FGF14: variants seen among roughly 807,000 people sequenced by gnomAD.
FGF14 encodes fibroblast growth factor 14, also known as fibroblast growth factor homologous factor 4.
Under a neutral mutation model 25.5 loss-of-function variants are expected in FGF14, and 5 were observed. The observed-to-expected ratio is 0.20, with a 90% CI of 0.10 to 0.41. The LOEUF (loss-of-function observed/expected upper bound fraction) is 0.41, where lower values mean the gene tolerates loss of function less well. Ranked by LOEUF, FGF14 falls within the 10% of genes least tolerant of loss-of-function variation. FGF14 has a pLI of 1.00. For missense variants in FGF14, 222 were observed against 320.1 expected (o/e 0.69, Z 2.34); for synonymous variants, 138 against 118.3 (o/e 1.17, Z -1.08).
chr13:102,136,771 T>C (rs1264873466), intron 1 of FGF14, among the ~76,000 whole-genome samples: 4 of 152,156 alleles, frequency 2.6e-5, no homozygotes, highest in Non-Finnish European at 5.9e-5. Context: ...CTGTGTTCAG[T>C]TAGCAAAATA....
At chr13:102,270,898 T>C (rs972064392) in intron 1 of FGF14, among the ~76,000 whole-genome samples, 1 of 152,186 alleles carries the variant, frequency 6.6e-6, no homozygotes. Context: ...TCAGATAAAT[T>C]TGATTTAATG....
intron 1 of FGF14, among the ~76,000 whole-genome samples, chr13:101,878,250 C>A (rs2045507522): frequency 6.6e-6 from 1 of 152,156 alleles, no homozygotes; most frequent in Non-Finnish European, 1.5e-5. Flanking sequence ...CATTAAAATG[C>A]CCCTTTGCAC....
At chr13:101,757,075 CT>C (rs1316387287) in intron 3 of FGF14, among the ~76,000 whole-genome samples, 3 of 152,118 alleles carry the variant, frequency 2.0e-5, no homozygotes, top group Non-Finnish European at 4.4e-5. Flanking sequence ...AAATGTTTTA[CT>C]TTCTAAATCT....
intron 3 of FGF14, among the ~76,000 whole-genome samples, chr13:101,731,226 C>T (rs1328388337): frequency 6.6e-6 from 1 of 152,120 alleles, no homozygotes; most frequent in Non-Finnish European, 1.5e-5. Context: ...GAAACACTCT[C>T]TAAAACTGGC....
chr13:102,273,239 C>A (rs1202706056), intron 1 of FGF14, among the ~76,000 whole-genome samples: 1 of 152,134 alleles, frequency 6.6e-6, no homozygotes, highest in East Asian at 1.9e-4. Flanking sequence ...ATAGACCTAA[C>A]CTAGTTAATA....
intron 1 of FGF14, among the ~76,000 whole-genome samples, chr13:102,064,866 G>A (rs963242614): frequency 1.3e-5 from 2 of 152,000 alleles, no homozygotes; most frequent in Admixed American, 1.3e-4. Flanking sequence ...ATGCCATTTT[G>A]TATGAGGGAC....
At chr13:102,120,677 G>A (rs1566711569) in intron 1 of FGF14, among the ~76,000 whole-genome samples, 2 of 151,048 alleles carry the variant, frequency 1.3e-5, no homozygotes, top group African/African-American at 4.9e-5. Context: ...GCATAGCCTT[G>A]CGGCTCATCT....
chr13:101,773,538 TAGAG>T (rs1594198418), intron 3 of FGF14, among the ~76,000 whole-genome samples: 1 of 151,944 alleles, frequency 6.6e-6, no homozygotes. Context: ...GTTGGCAACT[TAGAG>T]AGGTAGAAAG....
At chr13:101,820,679 C>T (rs1432327623) in intron 3 of FGF14, among the ~76,000 whole-genome samples, 1 of 151,872 alleles carries the variant, frequency 6.6e-6, no homozygotes, top group African/African-American at 2.4e-5. Flanking sequence ...TATGATTATA[C>T]CCCCTTTTTT....
intron 1 of FGF14, among the ~76,000 whole-genome samples, chr13:102,053,273 C>T (rs61966529): frequency 0.053 from 8,002 of 152,002 alleles, 237 homozygotes; most frequent in Middle Eastern, 0.071. Context: ...ATAAGGAAAA[C>T]GAAACAGAAC....
chr13:102,117,690 G>T (rs1276427742), intron 1 of FGF14, among the ~76,000 whole-genome samples: 1 of 152,156 alleles, frequency 6.6e-6, no homozygotes, highest in Non-Finnish European at 1.5e-5. Context: ...AACAAAGAGA[G>T]CGGTGTTGGA....
intron 1 of FGF14, among the ~76,000 whole-genome samples, chr13:102,100,222 C>T (rs1013307377): frequency 5.3e-5 from 8 of 151,978 alleles, no homozygotes; most frequent in Admixed American, 5.2e-4. Flanking sequence ...ATATATATTC[C>T]AAGAGTCAAA....
chr13:101,892,623 A>G (rs951921912), intron 1 of FGF14, among the ~76,000 whole-genome samples: 2 of 152,174 alleles, frequency 1.3e-5, no homozygotes, highest in Non-Finnish European at 2.9e-5. Flanking sequence ...TTTGTCCCAT[A>G]TTCATCCTAA....
chr13:102,096,026 CTT>C (rs1185590858), intron 1 of FGF14, among the ~76,000 whole-genome samples: 2 of 145,746 alleles, frequency 1.4e-5, no homozygotes, highest in African/African-American at 5.0e-5. Flanking sequence ...TAATATATTT[CTT>C]TATTTGACAT....
intron 1 of FGF14, among the ~76,000 whole-genome samples, chr13:102,393,061 C>G (rs974948843): frequency 6.6e-6 from 1 of 152,198 alleles, no homozygotes; most frequent in African/African-American, 2.4e-5. Context: ...GCCCCCAAAG[C>G]TTAAAGTATG....
chr13:102,201,241 A>C (rs141457443), intron 1 of FGF14, among the ~76,000 whole-genome samples: 1 of 151,606 alleles, frequency 6.6e-6, no homozygotes, highest in East Asian at 2.0e-4. Context: ...CATATTACTT[A>C]GTTTCCTTTG....
chr13:102,309,976 G>A (rs1425730919), intron 1 of FGF14, among the ~76,000 whole-genome samples: 1 of 152,132 alleles, frequency 6.6e-6, no homozygotes, highest in Non-Finnish European at 1.5e-5. Context: ...CCCATGCACA[G>A]ATATCTCTTA....
chr13:102,084,319 G>A (rs995343844), intron 1 of FGF14, among the ~76,000 whole-genome samples: 2 of 152,064 alleles, frequency 1.3e-5, no homozygotes, highest in Non-Finnish European at 2.9e-5. Context: ...ATTTTGGTAA[G>A]ATGTTTTGGT....
intron 1 of FGF14, among the ~76,000 whole-genome samples, chr13:102,224,909 C>T (rs980166961): frequency 1.3e-5 from 2 of 152,138 alleles, no homozygotes; most frequent in Admixed American, 6.6e-5. Context: ...AATGCTGAGC[C>T]ATAAACATTT....
Sources: gnomAD v4.1 joint callset for allele counts (sites outside exome capture counted in the v4.1 genomes callset) on GRCh38, gnomAD v4.1.1 for gene constraint, MANE v1.5 for transcripts, NCBI Gene and HGNC (gene_info 2026-07-23, HGNC 2026-07-21) for gene names.